PTPRQ: variants seen among roughly 807,000 people sequenced by gnomAD.
The protein encoded by PTPRQ is protein tyrosine phosphatase receptor type Q.
PTPRQ carries 199 observed loss-of-function variants against 246.0 expected under a neutral mutation model. That is an observed-to-expected ratio of 0.81 (90% CI 0.72 to 0.91). The LOEUF (loss-of-function observed/expected upper bound fraction) is 0.91. PTPRQ is among the 40% of genes least tolerant of loss of function. PTPRQ has a pLI of 0.00. For missense variants in PTPRQ, 2,624 were observed against 2,528.4 expected (o/e 1.04, Z -0.81); for synonymous variants, 869 against 853.2 (o/e 1.02, Z -0.32).
intron 23 of PTPRQ, among the ~76,000 whole-genome samples, chr12:80,544,798 C>A (rs764006716): frequency 6.6e-6 from 1 of 151,874 alleles, no homozygotes; most frequent in Non-Finnish European, 1.5e-5. Flanking sequence ...TTTTTCTATT[C>A]TTTTTCTTCT....
At chr12:80,673,772 C>G (rs1299231594) in intron 43 of PTPRQ, among the ~76,000 whole-genome samples, 3 of 151,990 alleles carry the variant, frequency 2.0e-5, no homozygotes, top group Non-Finnish European at 4.4e-5. Flanking sequence ...TTGTAGCACG[C>G]TATCAACTAT....
At chr12:80,668,255 A>G (rs1248280161) in intron 39 of PTPRQ, among the ~76,000 whole-genome samples, 1 of 151,916 alleles carries the variant, frequency 6.6e-6, no homozygotes, top group Non-Finnish European at 1.5e-5. Flanking sequence ...TCATGCTTTT[A>G]TGTTCCAGGT....
chr12:80,530,741 T>C (rs1307767124), intron 17 of PTPRQ, among the ~76,000 whole-genome samples: 1 of 152,172 alleles, frequency 6.6e-6, no homozygotes, highest in Non-Finnish European at 1.5e-5. Flanking sequence ...ATCCAGAGAT[T>C]TATGTGAGTT....
chr12:80,496,339 G>A lies in PTPRQ; in HGVS notation c.2080G>A (p.Gly694Arg). 2 of 1,550,712 alleles carry A rather than the reference G, an allele frequency of 1.3e-6. No individual in the cohort carries two copies. The highest frequency in any genetic ancestry group is 2.4e-5 in the East Asian group (1 of 40,874). ...LKWSPPEKPN[G>R]IIIAYEVLYK... ...GTGGTCACCACCCGAAAAGCCCAAT[G>A]GGATCATTATTGCTTATGAAGTGCT... The change falls in exon 14 of 45, where the codon GGG becomes AGG. Residue 694 changes from glycine to arginine, a missense_variant. Transcript: ENST00000644991.
chr12:80,616,320 T>C, intron 30 of PTPRQ, 54 bp downstream of exon 30: 1 of 1,419,190 alleles, frequency 7.0e-7, no homozygotes, highest in Non-Finnish European at 9.3e-7. Flanking sequence ...GATTATAATT[T>C]AAATTCCATA....
intron 17 of PTPRQ, among the ~76,000 whole-genome samples, chr12:80,525,344 C>A (rs1346592188): frequency 6.6e-6 from 1 of 152,090 alleles, no homozygotes; most frequent in African/African-American, 2.4e-5. Flanking sequence ...ATACATATAG[C>A]TGAAATGTCC....
Position 80,556,396 on chromosome 12 carries a change from T to C in PTPRQ, c.4285+6662T>C, listed in dbSNP as rs765155840. The stretch of plus-strand genomic sequence containing the variant: ...ATTGAAACTTTTTTGAAGAGTGAAA[T>C]GTGAATTGGATGTTGCTTATTGATA... On this transcript the variant is annotated intron_variant, in intron 25 of 44. Transcript: ENST00000644991. Among the ~76,000 whole-genome samples, 19 of 152,220 alleles carry C rather than the reference T, an allele frequency of 1.2e-4. No individual in the cohort carries two copies. The Middle Eastern group carries it at 0.014, about 109-fold the overall frequency.
At chr12:80,521,840 A>T (rs1282835950) in intron 17 of PTPRQ, among the ~76,000 whole-genome samples, 6 of 152,162 alleles carry the variant, frequency 3.9e-5, no homozygotes, top group African/African-American at 2.4e-5. Context: ...TGACTTGGCA[A>T]TGTGGGCTCT....
chr12:80,654,789 G>T (rs1900377209), intron 38 of PTPRQ, among the ~76,000 whole-genome samples: 1 of 151,888 alleles, frequency 6.6e-6, no homozygotes, highest in South Asian at 2.1e-4. Context: ...GAACCTGGGA[G>T]GCAGAGGTTG....
At chr12:80,576,470 T>C (rs1257305443) in intron 25 of PTPRQ, among the ~76,000 whole-genome samples, 2 of 152,110 alleles carry the variant, frequency 1.3e-5, no homozygotes, top group African/African-American at 4.8e-5. Flanking sequence ...AAAAAAAAGA[T>C]ATTTTAAATA....
At position 80,495,973 on chromosome 12, in the gene PTPRQ, A is replaced by T; in HGVS notation, c.1883-26A>T. On this transcript the variant is annotated intron_variant, in intron 12 of 44. Coordinates refer to ENST00000644991, the MANE Select transcript of PTPRQ (RefSeq NM_001145026.2). ...CCAAGAGTATTATTTTAAGGACATT[A>T]AACAGTTTGTCTCTTGTCCTTATAG... 3 of 1,541,384 alleles carry T rather than the reference A, an allele frequency of 1.9e-6. 1 individual carries two copies. In the African/African-American group the frequency reaches 4.1e-5, roughly 21 times the overall value.
chr12:80,455,664 C>G (rs908766899), intron 3 of PTPRQ, among the ~76,000 whole-genome samples: 2 of 150,750 alleles, frequency 1.3e-5, no homozygotes, highest in African/African-American at 4.9e-5. Context: ...GATCTCGGCT[C>G]ACTGCAAGCT....
chr12:80,531,807 A>T (rs1895851787), intron 17 of PTPRQ, among the ~76,000 whole-genome samples: 1 of 152,196 alleles, frequency 6.6e-6, no homozygotes, highest in Non-Finnish European at 1.5e-5. Context: ...TAAACAGATG[A>T]GGCATCTGAA....
At chr12:80,631,352 T>C (rs940526688) in intron 33 of PTPRQ, among the ~76,000 whole-genome samples, 1 of 152,150 alleles carries the variant, frequency 6.6e-6, no homozygotes, top group Non-Finnish European at 1.5e-5. Context: ...GCCTCCGAAT[T>C]GAAGATAAAA....
At chr12:80,563,331 GCCTAATCCCACTCGTGATTACTGC>G (rs1592659014) in intron 25 of PTPRQ, among the ~76,000 whole-genome samples, 1 of 151,978 alleles carries the variant, frequency 6.6e-6, no homozygotes, top group Admixed American at 6.5e-5. Context: ...GCACTCTGCA[GCCTAATCCCACTCGTGATTACTGC>G]CCTAATCCCA....
chr12:80,623,324 G>C (rs941641886), intron 33 of PTPRQ, among the ~76,000 whole-genome samples: 9 of 152,190 alleles, frequency 5.9e-5, no homozygotes, highest in African/African-American at 2.2e-4. Flanking sequence ...TTGCTACATA[G>C]ATGTTTGTAG....
chr12:80,513,251 G>C (rs7974430), intron 17 of PTPRQ, among the ~76,000 whole-genome samples: 7,982 of 152,102 alleles, frequency 0.052, 519 homozygotes, highest in African/African-American at 0.14. Context: ...CTCAGCAGAG[G>C]GGGGAGCCAG....
intron 33 of PTPRQ, among the ~76,000 whole-genome samples, chr12:80,626,768 C>A (rs1899216952): frequency 6.6e-6 from 1 of 152,138 alleles, no homozygotes; most frequent in Non-Finnish European, 1.5e-5. Flanking sequence ...TGTTTCTGCT[C>A]CCACAACCTA....
At chr12:80,498,413 A>G (rs1894694066) in intron 14 of PTPRQ, among the ~76,000 whole-genome samples, 1 of 152,054 alleles carries the variant, frequency 6.6e-6, no homozygotes, top group South Asian at 2.1e-4. Context: ...AAATATTTAT[A>G]ATATACCAGG....
Sources: gnomAD v4.1 joint callset for allele counts (sites outside exome capture counted in the v4.1 genomes callset) on GRCh38, gnomAD v4.1.1 for gene constraint, MANE v1.5 for transcripts, NCBI Gene and HGNC (gene_info 2026-07-23, HGNC 2026-07-21) for gene names.